CSMD2: variants seen among roughly 807,000 people sequenced by gnomAD.
CSMD2 encodes the protein CUB and sushi domain-containing protein 2.
A neutral mutation model predicts 398.5 loss-of-function variants in CSMD2; 130 were observed. The ratio of observed to expected loss-of-function variants is 0.33; its 90% confidence interval spans 0.28 to 0.38. The LOEUF (loss-of-function observed/expected upper bound fraction) is 0.38, where lower values mean the gene tolerates loss of function less well. Among genes scored for constraint, CSMD2 ranks in the 10% least tolerant of loss-of-function variants. The pLI, the probability that CSMD2 is intolerant of heterozygous loss-of-function variation, is 1.00. For synonymous variants in CSMD2, 1,828 were observed against 1,908.5 expected (o/e 0.96, Z 1.10); for missense variants, 3,829 against 4,764.9 (o/e 0.80, Z 5.78).
In CSMD2 at chr1:33,521,367, C is replaced by T. The variant is rs540151276; in HGVS notation, c.10597+96G>A. The stretch of plus-strand genomic sequence containing the variant: ...GAGGCCAAAGCACCCCCGCCTCAGA[C>T]TGTTCAACTTCCCCAGTCCTCTACC... On this transcript the variant is annotated intron_variant, in intron 68 of 70. Coordinates refer to ENST00000373381, the MANE Select transcript of CSMD2 (RefSeq NM_001281956.2). 12 of 842,952 alleles carry T rather than the reference C, an allele frequency of 1.4e-5. No homozygotes were observed. In the African/African-American group the frequency reaches 1.8e-4, roughly 13 times the overall value. The allele number at this position is 842,952 out of a possible 1,614,324, so 52.2% of individuals were successfully genotyped here.
intron 55 of CSMD2, among the ~76,000 whole-genome samples, chr1:33,551,309 T>C (rs1657421070): frequency 1.3e-5 from 2 of 152,234 alleles, no homozygotes; most frequent in Admixed American, 6.5e-5. Context: ...GATTTTATTA[T>C]GAGCATCTTG....
intron 55 of CSMD2, among the ~76,000 whole-genome samples, chr1:33,555,600 T>G (rs147569802): frequency 6.6e-6 from 1 of 152,212 alleles, no homozygotes; most frequent in South Asian, 2.1e-4. Context: ...ACTGTTGTCT[T>G]ATTTCAAGAA....
upstream of CSMD2, chr1:34,165,379 C>A: frequency 8.7e-7 from 1 of 1,148,938 alleles, no homozygotes; most frequent in Non-Finnish European, 1.1e-6. Flanking sequence ...TCCGCCGCTC[C>A]AAATGCTGGG....
intron 1 of CSMD2, among the ~76,000 whole-genome samples, chr1:34,127,756 G>C (rs978045048): frequency 1.3e-5 from 2 of 152,148 alleles, no homozygotes; most frequent in Non-Finnish European, 2.9e-5. Flanking sequence ...TCATAGTCCA[G>C]GTGGCAGGCC....
chr1:33,693,874 A>G (rs1459822877), intron 24 of CSMD2, among the ~76,000 whole-genome samples: 1 of 152,126 alleles, frequency 6.6e-6, no homozygotes, highest in East Asian at 1.9e-4. Context: ...CCTGACCAAC[A>G]TGGAGAAACC....
At chr1:33,563,233 A>G (rs1414885598) in intron 53 of CSMD2, among the ~76,000 whole-genome samples, 1 of 152,130 alleles carries the variant, frequency 6.6e-6, no homozygotes, top group Non-Finnish European at 1.5e-5. Flanking sequence ...TCTTTATTGA[A>G]TATGGTCTTA....
chr1:34,018,206 T>C (rs918891437), intron 3 of CSMD2, among the ~76,000 whole-genome samples: 2 of 152,236 alleles, frequency 1.3e-5, no homozygotes, highest in African/African-American at 4.8e-5. Context: ...AACATCTTTC[T>C]GTATTGCCAA....
intron 25 of CSMD2, among the ~76,000 whole-genome samples, chr1:33,689,983 T>G (rs1645181549): frequency 6.6e-6 from 1 of 152,202 alleles, no homozygotes; most frequent in African/African-American, 2.4e-5. Flanking sequence ...TTTTCTCTTC[T>G]TCTCCATCTC....
chr1:34,011,130 A>G (rs1647278579), intron 3 of CSMD2, among the ~76,000 whole-genome samples: 1 of 152,028 alleles, frequency 6.6e-6, no homozygotes, highest in Admixed American at 6.5e-5. Flanking sequence ...TCTAGCCCCA[A>G]GCTGGGCTGG....
rs1557462615 is a variant in CSMD2 at position 34,164,707 on chromosome 1, G to A, written c.187+204C>T. Among the ~76,000 whole-genome samples, 1 of 152,090 alleles carries A rather than the reference G, an allele frequency of 6.6e-6. No homozygotes were observed. The highest frequency in any genetic ancestry group is 1.5e-5 in the Non-Finnish European group (1 of 68,018). ...GGCTGGGGTTGGGGCAGCAGTGAGG[G>A]TGAGGGTGGAGGTGAGGACGTGGCT... On this transcript the variant is annotated intron_variant, in intron 1 of 70. Coordinates refer to ENST00000373381, the MANE Select transcript of CSMD2 (RefSeq NM_001281956.2). This position sits in a 1 kb window ranked among gnomAD's most constrained non-coding sequence, Gnocchi z 6.2.
At chr1:34,014,900 G>A (rs1647869751) in intron 3 of CSMD2, among the ~76,000 whole-genome samples, 1 of 152,238 alleles carries the variant, frequency 6.6e-6, no homozygotes, top group African/African-American at 2.4e-5. Context: ...AGAAGCCTCA[G>A]CCAGAAGCCA....
At chr1:33,862,343 CTG>C (rs10610868) in intron 5 of CSMD2, 5,482 of 113,912 alleles carry the variant, frequency 0.048, 104 homozygotes, top group East Asian at 0.054. Context: ...ATAAGCTACT[CTG>C]TGTGTGTGTG....
intron 2 of CSMD2, among the ~76,000 whole-genome samples, chr1:34,077,511 C>T (rs1159710560): frequency 1.5e-4 from 20 of 135,980 alleles, no homozygotes; most frequent in African/African-American, 5.0e-4. Context: ...CCGAGGCGGG[C>T]GAATCATGAG....
chr1:34,099,386 G>T (rs138198975), intron 1 of CSMD2, among the ~76,000 whole-genome samples: 18 of 152,286 alleles, frequency 1.2e-4, no homozygotes, highest in Non-Finnish European at 2.5e-4. Flanking sequence ...TGGTTCTGAA[G>T]TATAGATGCC....
chr1:33,686,854 T>C (rs1645077279), intron 25 of CSMD2, among the ~76,000 whole-genome samples: 1 of 152,160 alleles, frequency 6.6e-6, no homozygotes, highest in Non-Finnish European at 1.5e-5. Context: ...CCACCTGAGA[T>C]CCTTTAGGGG....
chr1:33,699,054 C>T (rs1355639712), intron 23 of CSMD2, 110 bp from the exon 24 acceptor site: 1 of 875,300 alleles, frequency 1.1e-6, no homozygotes, highest in Non-Finnish European at 1.7e-6. Context: ...AGCCACGGAC[C>T]CTGGGTTCTG....
At position 33,698,771 on chromosome 1, in the gene CSMD2, G is replaced by C; in HGVS notation, c.3907C>G (p.Pro1303Ala). ...CTCCTACCGACACAGGTGGGCAGAG[G>C]CCGGTCCCAGGTCCGGCGCTCTCCA... ...LSGERRTWDR[P>A]LPTCVAECGG... The change falls in exon 24 of 71, where the codon CCT (proline) becomes GCT (alanine). Residue 1303 changes from proline (P) to alanine (A), a missense_variant. Pro to Ala is a conservative substitution (Grantham distance 27). Coordinates refer to ENST00000373381, the MANE Select transcript of CSMD2 (RefSeq NM_001281956.2). 6.2e-7 allele frequency: 1 copy of C among 1,613,058 alleles called. No individual in the cohort carries two copies. Among genetic ancestry groups the C allele is most frequent in the Non-Finnish European group, 8.5e-7 (1 of 1,179,470 alleles).
intron 1 of CSMD2, among the ~76,000 whole-genome samples, chr1:34,150,615 T>C (rs937504716): frequency 6.6e-6 from 1 of 151,986 alleles, no homozygotes; most frequent in African/African-American, 2.4e-5. Flanking sequence ...GCCTGAGTGT[T>C]CAACAAGGGA....
intron 1 of CSMD2, among the ~76,000 whole-genome samples, chr1:34,144,420 G>A (rs1639580948): frequency 6.6e-6 from 1 of 152,116 alleles, no homozygotes; most frequent in Admixed American, 6.5e-5. Flanking sequence ...AGAGTGACTT[G>A]TCCAAAGGGC....
Sources: gnomAD v4.1 joint callset for allele counts (sites outside exome capture counted in the v4.1 genomes callset) on GRCh38, gnomAD v4.1.1 for gene constraint, Gnocchi (gnomAD v3.1) non-coding constraint, MANE v1.5 for transcripts, NCBI Gene and HGNC (gene_info 2026-07-23, HGNC 2026-07-21) for gene names.